CCSER1: variants seen among roughly 807,000 people sequenced by gnomAD.
CCSER1 encodes the protein coiled-coil serine rich protein 1.
A neutral mutation model predicts 82.0 loss-of-function variants in CCSER1; 41 were observed. The observed-to-expected ratio is 0.50, with a 90% CI of 0.39 to 0.65. The LOEUF (loss-of-function observed/expected upper bound fraction) is 0.65. CCSER1 is among the 30% of genes least tolerant of loss of function. The pLI, the probability that CCSER1 is intolerant of heterozygous loss-of-function variation, is 0.00. For missense variants in CCSER1, 1,119 were observed against 1,064.2 expected (o/e 1.05, Z -0.72); for synonymous variants, 414 against 383.9 (o/e 1.08, Z -0.92).
At chr4:91,365,922 A>G (rs1370772220) in intron 10 of CCSER1, among the ~76,000 whole-genome samples, 1 of 152,200 alleles carries the variant, frequency 6.6e-6, no homozygotes, top group Non-Finnish European at 1.5e-5. Context: ...TCAAAGATTT[A>G]TGTAAAATTA....
intron 8 of CCSER1, among the ~76,000 whole-genome samples, chr4:90,837,486 C>G (rs1364080548): frequency 6.6e-6 from 1 of 152,088 alleles, no homozygotes; most frequent in East Asian, 1.9e-4. Flanking sequence ...ATTTCTTTAT[C>G]TGTAAAATGG....
intron 1 of CCSER1, among the ~76,000 whole-genome samples, chr4:90,133,889 A>G (rs1375946423): frequency 1.3e-5 from 2 of 152,224 alleles, no homozygotes; most frequent in Non-Finnish European, 2.9e-5. Context: ...AGAATATATG[A>G]ATAAATAACT....
chr4:90,216,382 C>T (rs1420495697), intron 1 of CCSER1, among the ~76,000 whole-genome samples: 1 of 152,172 alleles, frequency 6.6e-6, no homozygotes, highest in African/African-American at 2.4e-5. Context: ...AGCTGGAGTT[C>T]ATAAGCTTCC....
chr4:90,480,291 A>G (rs1264335629), intron 5 of CCSER1, among the ~76,000 whole-genome samples: 4 of 152,166 alleles, frequency 2.6e-5, no homozygotes, highest in East Asian at 3.9e-4. Flanking sequence ...TTTGTCACAT[A>G]AATAGGTTGC....
chr4:91,422,698 AG>A (rs1753748753), intron 10 of CCSER1, among the ~76,000 whole-genome samples: 1 of 152,172 alleles, frequency 6.6e-6, no homozygotes, highest in Non-Finnish European at 1.5e-5. Context: ...TGTATAAAAA[AG>A]AAAAAAACAG....
intron 1 of CCSER1, among the ~76,000 whole-genome samples, chr4:90,269,175 A>T (rs927922271): frequency 1.3e-5 from 2 of 152,104 alleles, no homozygotes; most frequent in African/African-American, 4.8e-5. Context: ...CTGTATTTAG[A>T]TTGAATAGAC....
intron 10 of CCSER1, among the ~76,000 whole-genome samples, chr4:91,442,620 A>G (rs1755254885): frequency 7.3e-6 from 1 of 137,328 alleles, no homozygotes; most frequent in Non-Finnish European, 1.6e-5. Context: ...AAATTGACAA[A>G]TGGGATCTAA....
intron 9 of CCSER1, among the ~76,000 whole-genome samples, chr4:91,080,197 C>A (rs1005692627): frequency 2.0e-5 from 3 of 152,118 alleles, no homozygotes; most frequent in South Asian, 2.1e-4. Flanking sequence ...TGTAGAAGAA[C>A]AGAAATTGTA....
At chr4:91,467,179 CAG>C in intron 10 of CCSER1, among the ~76,000 whole-genome samples, 1 of 152,216 alleles carries the variant, frequency 6.6e-6, no homozygotes, top group East Asian at 1.9e-4. Flanking sequence ...TGGAACAGAA[CAG>C]AGCCCTCAGA....
At chr4:90,210,090 C>A (rs1356706433) in intron 1 of CCSER1, among the ~76,000 whole-genome samples, 1 of 152,044 alleles carries the variant, frequency 6.6e-6, no homozygotes, top group African/African-American at 2.4e-5. Context: ...TTTTTCCCTT[C>A]CATGCTCTGT....
At chr4:90,725,750 T>C (rs1743518701) in intron 7 of CCSER1, among the ~76,000 whole-genome samples, 1 of 151,784 alleles carries the variant, frequency 6.6e-6, no homozygotes, top group African/African-American at 2.4e-5. Flanking sequence ...GTATAAAGCA[T>C]TGTAATTCCA....
At chr4:90,326,586 T>C (rs1220816543) in intron 3 of CCSER1, among the ~76,000 whole-genome samples, 1 of 152,194 alleles carries the variant, frequency 6.6e-6, no homozygotes, top group African/African-American at 2.4e-5. Context: ...TGTATACATT[T>C]GTAATTATAT....
At chr4:90,930,910 T>TTA (rs70963098) in intron 9 of CCSER1, among the ~76,000 whole-genome samples, 26,930 of 109,198 alleles carry the variant, frequency 0.25, 3,075 homozygotes, top group Non-Finnish European at 0.3. Context: ...TATCCTTATT[T>TTA]TATATATATA....
At chr4:90,754,299 A>G (rs1470279290) in intron 7 of CCSER1, among the ~76,000 whole-genome samples, 2 of 152,154 alleles carry the variant, frequency 1.3e-5, no homozygotes, top group African/African-American at 4.8e-5. Context: ...TTCATGTTGT[A>G]TTTTATTTTA....
At chr4:90,712,779 T>C (rs1264941394) in intron 6 of CCSER1, among the ~76,000 whole-genome samples, 2 of 152,002 alleles carry the variant, frequency 1.3e-5, no homozygotes, top group Non-Finnish European at 2.9e-5. Flanking sequence ...TGAAGTCTTT[T>C]TGTAGGTCTC....
intron 10 of CCSER1, among the ~76,000 whole-genome samples, chr4:91,480,572 G>T (rs1757855239): frequency 6.6e-6 from 1 of 152,160 alleles, no homozygotes; most frequent in African/African-American, 2.4e-5. Context: ...TTTCTGTTCT[G>T]TGTACTGTAA....
intron 10 of CCSER1, among the ~76,000 whole-genome samples, chr4:91,125,132 C>G (rs374651652): frequency 7.5e-4 from 114 of 151,590 alleles, no homozygotes; most frequent in South Asian, 1.2e-3. Flanking sequence ...ATCAGTATAT[C>G]AAATTTGTAT....
At chr4:91,362,208 A>G (rs575196225) in intron 10 of CCSER1, among the ~76,000 whole-genome samples, 4 of 151,886 alleles carry the variant, frequency 2.6e-5, no homozygotes, top group Non-Finnish European at 4.4e-5. Flanking sequence ...CAAAGATTGT[A>G]GTTGTTTTCC....
chr4:90,294,709 A>T (rs544301707), intron 1 of CCSER1, among the ~76,000 whole-genome samples: 17 of 152,206 alleles, frequency 1.1e-4, no homozygotes, highest in African/African-American at 4.1e-4. Flanking sequence ...TCTTAAATAT[A>T]AAAGTAATTC....
Sources: gnomAD v4.1 joint callset for allele counts (sites outside exome capture counted in the v4.1 genomes callset) on GRCh38, gnomAD v4.1.1 for gene constraint, MANE v1.5 for transcripts, NCBI Gene and HGNC (gene_info 2026-07-23, HGNC 2026-07-21) for gene names.